Variants in IL1RAPL1 observed in about 807,000 individuals in gnomAD.
The protein encoded by IL1RAPL1 is interleukin-1 receptor accessory protein-like 1.
A neutral mutation model predicts 48.4 loss-of-function variants in IL1RAPL1; 3 were observed. The ratio of observed to expected loss-of-function variants is 0.06; its 90% CI spans 0.03 to 0.16. The LOEUF is 0.16. Among genes scored for constraint, IL1RAPL1 ranks in the 10% least tolerant of loss-of-function variants. The probability of loss-of-function intolerance (pLI) is 1.00; values close to 1 mark genes in which losing one functional copy is unlikely to be tolerated. For missense variants in IL1RAPL1, 349 were observed against 530.6 expected (o/e 0.66, Z 3.36); for synonymous variants, 185 against 187.7 (o/e 0.99, Z 0.12).
At chrX:29,933,272 G>A (rs1932975945) in intron 8 of IL1RAPL1, among the ~76,000 whole-genome samples, 1 of 110,995 alleles carries the variant, frequency 9.0e-6, no homozygotes, top group South Asian at 3.9e-4. Flanking sequence ...ACCATGCCAC[G>A]TGTATACCTA....
chrX:29,106,678 G>A (rs1018702287), intron 2 of IL1RAPL1, among the ~76,000 whole-genome samples: 7 of 111,571 alleles, frequency 6.3e-5, no homozygotes, highest in Non-Finnish European at 9.4e-5. Context: ...TTACTTGGTA[G>A]CAGAGTGGAA....
intron 6 of IL1RAPL1, among the ~76,000 whole-genome samples, chrX:29,859,255 G>A (rs1228959827): frequency 8.9e-6 from 1 of 111,828 alleles, no homozygotes; most frequent in Non-Finnish European, 1.9e-5. Flanking sequence ...AAAGGTCATA[G>A]GCTCAACTAT....
intron 5 of IL1RAPL1, among the ~76,000 whole-genome samples, chrX:29,588,397 G>A (rs898054729): frequency 1.8e-5 from 2 of 112,100 alleles, no homozygotes; most frequent in African/African-American, 6.5e-5. Flanking sequence ...AACAGCTGTA[G>A]TACCTCAAAT....
intron 6 of IL1RAPL1, among the ~76,000 whole-genome samples, chrX:29,825,588 A>G (rs910824428): frequency 5.4e-5 from 6 of 111,765 alleles, no homozygotes; most frequent in African/African-American, 2.0e-4. Context: ...CATAACAACA[A>G]TAGTTGCTTT....
chrX:29,707,307 T>A (rs983254369), intron 6 of IL1RAPL1, among the ~76,000 whole-genome samples: 2 of 111,692 alleles, frequency 1.8e-5, no homozygotes, highest in Admixed American at 1.9e-4. Context: ...GGCATTGATA[T>A]GGTGAAAGGG....
At chrX:28,745,632 T>C (rs887655666) in intron 1 of IL1RAPL1, among the ~76,000 whole-genome samples, 4 of 111,590 alleles carry the variant, frequency 3.6e-5, no homozygotes, top group Non-Finnish European at 5.6e-5. Flanking sequence ...AGATGTAGTG[T>C]AGGAGCATGG....
intron 5 of IL1RAPL1, among the ~76,000 whole-genome samples, chrX:29,548,001 C>G (rs1464753331): frequency 2.7e-5 from 3 of 112,227 alleles, no homozygotes; most frequent in Non-Finnish European, 5.6e-5. Context: ...TAGCATTAAT[C>G]ATATTCATGC....
chrX:28,773,158 C>T (rs1280641785), intron 1 of IL1RAPL1, among the ~76,000 whole-genome samples: 2 of 110,789 alleles, frequency 1.8e-5, no homozygotes, highest in South Asian at 3.9e-4. Flanking sequence ...ACTGCAGCCT[C>T]GAACTCCTGG....
chrX:28,987,626 T>C (rs1925506334), intron 2 of IL1RAPL1, among the ~76,000 whole-genome samples: 1 of 111,971 alleles, frequency 8.9e-6, no homozygotes, highest in Non-Finnish European at 1.9e-5. Flanking sequence ...ATTACTGTTA[T>C]CAAGATACGC....
At chrX:29,068,859 T>C (rs1208845237) in intron 2 of IL1RAPL1, among the ~76,000 whole-genome samples, 3 of 112,079 alleles carry the variant, frequency 2.7e-5, no homozygotes, top group East Asian at 5.6e-4. Flanking sequence ...GTTAGGTCTT[T>C]AGAACAATAA....
intron 1 of IL1RAPL1, among the ~76,000 whole-genome samples, chrX:28,765,580 C>T (rs1489804122): frequency 9.0e-6 from 1 of 110,854 alleles, no homozygotes; most frequent in East Asian, 2.8e-4. Flanking sequence ...CTAATGGTGA[C>T]AATACTTTTT....
At chrX:29,679,610 A>G (rs1269352741) in intron 6 of IL1RAPL1, among the ~76,000 whole-genome samples, 1 of 112,258 alleles carries the variant, frequency 8.9e-6, no homozygotes, top group Non-Finnish European at 1.9e-5. Flanking sequence ...GGTTCACCAT[A>G]TTCAACATGA....
intron 2 of IL1RAPL1, among the ~76,000 whole-genome samples, chrX:29,225,181 C>G (rs1282227548): frequency 8.9e-6 from 1 of 112,348 alleles, no homozygotes; most frequent in Non-Finnish European, 1.9e-5. Context: ...TATTTTAGAA[C>G]ATACCCAGAA....
chrX:29,720,843 A>G (rs1277196486), intron 6 of IL1RAPL1, among the ~76,000 whole-genome samples: 1 of 112,544 alleles, frequency 8.9e-6, no homozygotes, highest in East Asian at 2.8e-4. Flanking sequence ...GTTAGCAGCA[A>G]AAATAGAATT....
At chrX:28,697,723 C>A (rs1232814989) in intron 1 of IL1RAPL1, among the ~76,000 whole-genome samples, 3 of 111,371 alleles carry the variant, frequency 2.7e-5, no homozygotes, top group African/African-American at 9.8e-5. Context: ...ATACATTCAA[C>A]AAATATTAAG....
At chrX:29,639,689 G>A (rs751919920) in intron 5 of IL1RAPL1, among the ~76,000 whole-genome samples, 6 of 110,207 alleles carry the variant, frequency 5.4e-5, no homozygotes, top group African/African-American at 2.0e-4. Flanking sequence ...ACCTACAGAT[G>A]AGCAGAAAAG....
chrX:29,079,734 A>C (rs1927759232), intron 2 of IL1RAPL1, among the ~76,000 whole-genome samples: 1 of 110,558 alleles, frequency 9.0e-6, no homozygotes, highest in South Asian at 3.8e-4. Context: ...AAAAGTGAAA[A>C]GTACATTTTT....
chrX:28,886,634 T>C (rs1173805767), intron 2 of IL1RAPL1, among the ~76,000 whole-genome samples: 1 of 111,572 alleles, frequency 9.0e-6, no homozygotes, highest in Non-Finnish European at 1.9e-5. Context: ...TTTATGTTTT[T>C]CATTAATGGA....
At chrX:29,350,200 T>TATAC (rs1933207487) in intron 3 of IL1RAPL1, among the ~76,000 whole-genome samples, 4 of 74,544 alleles carry the variant, frequency 5.4e-5, no homozygotes, top group Non-Finnish European at 9.2e-5. Context: ...TTTATATATA[T>TATAC]ATATATATAT....
Sources: allele counts gnomAD v4.1 joint callset (sites outside exome capture counted in the v4.1 genomes callset), GRCh38; gene constraint gnomAD v4.1.1; transcripts MANE v1.5; gene names NCBI Gene and HGNC (gene_info 2026-07-23, HGNC 2026-07-21).